TJP1: variants seen among roughly 807,000 people sequenced by gnomAD.
The protein encoded by TJP1 is tight junction protein ZO-1.
TJP1 carries 43 observed loss-of-function variants against 194.2 expected under a neutral mutation model. The ratio of observed to expected loss-of-function variants is 0.22; its 90% CI spans 0.17 to 0.29. TJP1 has a LOEUF of 0.29. Among genes scored for constraint, TJP1 ranks in the 10% least tolerant of loss-of-function variants. The pLI is 1.00. For synonymous variants in TJP1, 801 were observed against 779.0 expected (o/e 1.03, Z -0.47); for missense variants, 1,971 against 2,185.7 (o/e 0.90, Z 1.96).
intron 2 of TJP1, among the ~76,000 whole-genome samples, chr15:29,792,312 C>G (rs1360419620): frequency 6.6e-6 from 1 of 152,196 alleles, no homozygotes; most frequent in Non-Finnish European, 1.5e-5. Flanking sequence ...TTTCATTCTT[C>G]TGCATGTGGA....
chr15:29,968,767 C>A, exon 1 of TJP1: 2 of 1,223,628 alleles, frequency 1.6e-6, no homozygotes, highest in Non-Finnish European at 2.1e-6. Flanking sequence ...TTCATCTTGT[C>A]CCCGCTCCGC....
At chr15:29,767,458 C>A (rs1279349180) in intron 4 of TJP1, among the ~76,000 whole-genome samples, 1 of 152,124 alleles carries the variant, frequency 6.6e-6, no homozygotes, top group Non-Finnish European at 1.5e-5. Flanking sequence ...CACTCGCATT[C>A]CCCCTAAGTT....
intron 2 of TJP1, among the ~76,000 whole-genome samples, chr15:29,932,580 C>T (rs1202144647): frequency 6.6e-6 from 1 of 151,562 alleles, no homozygotes; most frequent in Non-Finnish European, 1.5e-5. Context: ...TTTTTTAAAA[C>T]AAGACATTAA....
At chr15:29,723,057 A>G (rs1417846884) in intron 18 of TJP1, among the ~76,000 whole-genome samples, 1 of 152,214 alleles carries the variant, frequency 6.6e-6, no homozygotes, top group Admixed American at 6.5e-5. Flanking sequence ...GCTCCTAGAC[A>G]GAAGAGACTA....
chr15:29,965,748 G>A (rs1268100561), intron 1 of TJP1, among the ~76,000 whole-genome samples: 3 of 152,048 alleles, frequency 2.0e-5, no homozygotes, highest in Non-Finnish European at 4.4e-5. Context: ...TAAATCTGGC[G>A]GCACAATGTT....
At chr15:29,829,713 T>G (rs2152041935) in intron 2 of TJP1, among the ~76,000 whole-genome samples, 1 of 152,140 alleles carries the variant, frequency 6.6e-6, no homozygotes, top group South Asian at 2.1e-4. Flanking sequence ...TTTTACAATG[T>G]GTGTGTTATA....
chr15:29,937,082 A>G (rs2054909977), intron 2 of TJP1, among the ~76,000 whole-genome samples: 1 of 152,180 alleles, frequency 6.6e-6, no homozygotes, highest in South Asian at 2.1e-4. Context: ...AAGTTCTGAA[A>G]TTTACACAAT....
At chr15:29,759,513 C>A in intron 8 of TJP1, 1 of 152,272 alleles carries the variant, frequency 6.6e-6, no homozygotes, top group Non-Finnish European at 1.5e-5. Context: ...ACTCTCTTAG[C>A]AAATTTCAAG....
At chr15:29,821,541 G>A (rs2050347752) in intron 1 of TJP1, 1 of 152,150 alleles carries the variant, frequency 6.6e-6, no homozygotes. Flanking sequence ...ACATCAGATC[G>A]AAACTACAGG....
chr15:29,817,452 T>C (rs1223499368), intron 1 of TJP1, among the ~76,000 whole-genome samples: 1 of 152,060 alleles, frequency 6.6e-6, no homozygotes. Context: ...GAACCAGAAA[T>C]ACCATTTGAC....
In TJP1 at chr15:29,710,975, C is replaced by T. The variant is rs2042208346; in HGVS notation, c.4228G>A (p.Val1410Met). 3 of 1,609,478 alleles carry T rather than the reference C, an allele frequency of 1.9e-6. No homozygotes were observed. Among genetic ancestry groups the T allele is most frequent in the Non-Finnish European group, 1.7e-6 (2 of 1,177,096 alleles). ...CGTTTCTCGCCAAATGATCTATCCA[C>T]ACCATCAGCTTCAGGAGGCTTTCCC... ...SKGKPPEADG[V>M]DRSFGEKRYE... The change falls in exon 24 of 28, where the codon GTG becomes ATG. Residue 1410 changes from valine to methionine, a missense_variant. Physicochemically the swap from Val to Met is conservative, Grantham distance 21. Coordinates refer to ENST00000614355, the MANE Select transcript of TJP1 (RefSeq NM_001330239.4).
At chr15:29,929,862 C>T (rs754905764) in intron 2 of TJP1, among the ~76,000 whole-genome samples, 2 of 151,186 alleles carry the variant, frequency 1.3e-5, no homozygotes, top group African/African-American at 2.4e-5. Context: ...TTTGAAAAGA[C>T]TACAGGAAAA....
At chr15:29,884,129 G>A (rs2053033572) in intron 2 of TJP1, among the ~76,000 whole-genome samples, 2 of 152,158 alleles carry the variant, frequency 1.3e-5, no homozygotes, top group Non-Finnish European at 2.9e-5. Context: ...GCAGCATGTG[G>A]TCATAATTTG....
chr15:29,851,213 A>G (rs909296324), intron 2 of TJP1, among the ~76,000 whole-genome samples: 4 of 152,022 alleles, frequency 2.6e-5, no homozygotes, highest in African/African-American at 7.2e-5. Context: ...GGAAAAAACA[A>G]TAAAATTGAT....
At chr15:29,895,340 C>CTT (rs959364530) in intron 2 of TJP1, among the ~76,000 whole-genome samples, 3 of 152,222 alleles carry the variant, frequency 2.0e-5, no homozygotes, top group African/African-American at 7.2e-5. Context: ...CAACCCACAT[C>CTT]TTTGACACTT....
At chr15:29,772,893 T>C (rs971593728) in intron 3 of TJP1, among the ~76,000 whole-genome samples, 1 of 151,968 alleles carries the variant, frequency 6.6e-6, no homozygotes, top group Non-Finnish European at 1.5e-5. Context: ...GCCTCCCAAG[T>C]AGCTGGGACT....
intron 1 of TJP1, among the ~76,000 whole-genome samples, chr15:29,804,498 C>T (rs1237794254): frequency 6.6e-6 from 1 of 152,058 alleles, no homozygotes; most frequent in African/African-American, 2.4e-5. Flanking sequence ...AATTTTGATG[C>T]ATTAGAAAAG....
intron 1 of TJP1, among the ~76,000 whole-genome samples, chr15:29,801,651 C>T (rs927849510): frequency 2.0e-5 from 3 of 151,180 alleles, no homozygotes; most frequent in African/African-American, 7.3e-5. Context: ...TTAGTACAGA[C>T]GGGGTTTCAC....
At chr15:29,818,667 G>A (rs1269538129) in intron 1 of TJP1, among the ~76,000 whole-genome samples, 1 of 97,216 alleles carries the variant, frequency 1.0e-5, no homozygotes, top group African/African-American at 3.8e-5. Flanking sequence ...ACCAGGCCCG[G>A]CTATTTTTTT....
Sources: allele counts gnomAD v4.1 joint callset (sites outside exome capture counted in the v4.1 genomes callset), GRCh38; gene constraint gnomAD v4.1.1; transcripts MANE v1.5; gene names NCBI Gene and HGNC (gene_info 2026-07-23, HGNC 2026-07-21).